Variants in ENTREP2 observed in about 807,000 individuals in gnomAD.
ENTREP2 encodes the protein endosomal transmembrane epsin interactor 2.
chr15:29,307,616 T>C, the ENTREP2 span, among the ~76,000 whole-genome samples: 1 of 152,328 alleles, frequency 6.6e-6, no homozygotes, highest in East Asian at 1.9e-4. Flanking sequence ...TGTGACTATA[T>C]TTAGAGATAG....
chr15:29,510,283 G>A, the ENTREP2 span, among the ~76,000 whole-genome samples: 2 of 152,158 alleles, frequency 1.3e-5, no homozygotes, highest in Admixed American at 6.5e-5. Flanking sequence ...CAACAGGAAC[G>A]CTTTTACACC....
chr15:29,659,683 G>A, the ENTREP2 span, among the ~76,000 whole-genome samples: 1 of 152,018 alleles, frequency 6.6e-6, no homozygotes, highest in Non-Finnish European at 1.5e-5. Context: ...GAACCATATA[G>A]TATAAATAAT....
At chr15:29,372,540 T>C in the ENTREP2 span, among the ~76,000 whole-genome samples, 1 of 152,192 alleles carries the variant, frequency 6.6e-6, no homozygotes, top group Non-Finnish European at 1.5e-5. Context: ...TGCCATGTTG[T>C]TCAAGGGTTA....
the ENTREP2 span, among the ~76,000 whole-genome samples, chr15:29,262,680 G>GT: frequency 3.3e-5 from 5 of 152,254 alleles, no homozygotes; most frequent in African/African-American, 1.2e-4. Context: ...ACCAGTAAAC[G>GT]TAAGTGTTTC....
At chr15:29,537,571 G>A in the ENTREP2 span, among the ~76,000 whole-genome samples, 1,061 of 152,156 alleles carry the variant, frequency 7.0e-3, 8 homozygotes, top group African/African-American at 0.025. Context: ...CTGGCCCAGG[G>A]CCCCACCATC....
the ENTREP2 span, among the ~76,000 whole-genome samples, chr15:29,624,415 A>G: frequency 6.6e-6 from 1 of 152,174 alleles, no homozygotes; most frequent in Non-Finnish European, 1.5e-5. Context: ...CGAATGTGTG[A>G]GTAGTGTAAG....
the ENTREP2 span, among the ~76,000 whole-genome samples, chr15:29,118,804 C>CTT: frequency 6.6e-6 from 1 of 151,826 alleles, no homozygotes; most frequent in African/African-American, 2.4e-5. Context: ...TCTGCCAGCA[C>CTT]TTACCTTTCT....
At chr15:29,522,117 A>G in the ENTREP2 span, among the ~76,000 whole-genome samples, 1 of 152,240 alleles carries the variant, frequency 6.6e-6, no homozygotes, top group African/African-American at 2.4e-5. Context: ...CTCATACCAC[A>G]TAAAGGAGTT....
chr15:29,173,669 G>T, the ENTREP2 span, among the ~76,000 whole-genome samples: 2 of 152,016 alleles, frequency 1.3e-5, no homozygotes, highest in Non-Finnish European at 2.9e-5. Flanking sequence ...TCGGAGGGTT[G>T]GGGCACCATT....
chr15:29,470,403 G>C, the ENTREP2 span, among the ~76,000 whole-genome samples: 1 of 152,166 alleles, frequency 6.6e-6, no homozygotes, highest in African/African-American at 2.4e-5. Context: ...GTCTCGGGGA[G>C]CCTCCTGCCA....
At chr15:29,284,250 T>C in the ENTREP2 span, among the ~76,000 whole-genome samples, 6 of 152,100 alleles carry the variant, frequency 3.9e-5, no homozygotes, top group Non-Finnish European at 7.4e-5. Context: ...GAAGAACACA[T>C]TGCTTTTAGA....
the ENTREP2 span, among the ~76,000 whole-genome samples, chr15:29,588,503 A>G: frequency 7.6e-6 from 1 of 131,138 alleles, no homozygotes; most frequent in Non-Finnish European, 1.6e-5. Flanking sequence ...AGAGAGAGAG[A>G]GAGAGGGAGG....
chr15:29,326,984 G>A, the ENTREP2 span, among the ~76,000 whole-genome samples: 3 of 152,074 alleles, frequency 2.0e-5, no homozygotes, highest in Admixed American at 1.3e-4. Context: ...TTCAACAAAT[G>A]GTGCTGGAAA....
At chr15:29,575,810 T>C in the ENTREP2 span, among the ~76,000 whole-genome samples, 1 of 152,220 alleles carries the variant, frequency 6.6e-6, no homozygotes, top group Non-Finnish European at 1.5e-5. Context: ...AAGTGAAGGC[T>C]TGTACACTGA....
At chr15:29,226,492 A>G in the ENTREP2 span, among the ~76,000 whole-genome samples, 1 of 152,342 alleles carries the variant, frequency 6.6e-6, no homozygotes, top group South Asian at 2.1e-4. Context: ...AGAGGCCAAA[A>G]CTATCCCTGA....
At chr15:29,603,285 T>A in the ENTREP2 span, among the ~76,000 whole-genome samples, 1 of 152,168 alleles carries the variant, frequency 6.6e-6, no homozygotes, top group Non-Finnish European at 1.5e-5. Context: ...CCATGTGTGG[T>A]CCCAGAACAG....
chr15:29,667,159 G>A, the ENTREP2 span, among the ~76,000 whole-genome samples: 1 of 151,864 alleles, frequency 6.6e-6, no homozygotes, highest in Admixed American at 6.6e-5. Flanking sequence ...GCCAGGTTAG[G>A]GCTTCAACAT....
the ENTREP2 span, among the ~76,000 whole-genome samples, chr15:29,641,845 A>AG: frequency 4.6e-5 from 7 of 151,674 alleles, no homozygotes; most frequent in African/African-American, 1.5e-4. Flanking sequence ...AAAAAAAAAA[A>AG]AAAGAAAGAA....
At chr15:29,241,108 TTTTG>T in the ENTREP2 span, among the ~76,000 whole-genome samples, 1 of 152,204 alleles carries the variant, frequency 6.6e-6, no homozygotes, top group Non-Finnish European at 1.5e-5. Context: ...ATAATGAAGA[TTTTG>T]TTTGTTTTCT....
Sources: gnomAD v4.1 joint callset for allele counts (sites outside exome capture counted in the v4.1 genomes callset) on GRCh38, gnomAD v4.1.1 for gene constraint, MANE v1.5 for transcripts, NCBI Gene and HGNC (gene_info 2026-07-23, HGNC 2026-07-21) for gene names.